Variants in KCNH7 observed in about 807,000 individuals in gnomAD.
KCNH7 encodes the protein potassium voltage-gated channel subfamily H member 7, also known as voltage-gated inwardly rectifying potassium channel KCNH7.
In KCNH7, 49 loss-of-function variants were observed where a neutral mutation model predicts 120.8. The ratio of observed to expected loss-of-function variants is 0.41; its 90% confidence interval spans 0.32 to 0.51. The LOEUF is 0.51. Among genes scored for constraint, KCNH7 ranks in the 20% least tolerant of loss-of-function variants. The pLI is 0.38. For synonymous variants in KCNH7, 547 were observed against 516.1 expected (o/e 1.06, Z -0.81); for missense variants, 1,097 against 1,446.6 (o/e 0.76, Z 3.92).
At chr2:162,631,259 A>T (rs934771258) in intron 2 of KCNH7, among the ~76,000 whole-genome samples, 2 of 152,142 alleles carry the variant, frequency 1.3e-5, no homozygotes, top group Admixed American at 6.6e-5. Context: ...TACTGGGAAT[A>T]CCACTCTATT....
intron 2 of KCNH7, among the ~76,000 whole-genome samples, chr2:162,710,422 T>G (rs1220702472): frequency 6.6e-6 from 1 of 152,192 alleles, no homozygotes; most frequent in Non-Finnish European, 1.5e-5. Context: ...TTGTTTGTCC[T>G]TTGGCACTGG....
chr2:162,548,887 T>A (rs982047423), intron 2 of KCNH7, among the ~76,000 whole-genome samples: 4 of 152,320 alleles, frequency 2.6e-5, no homozygotes, highest in Admixed American at 2.0e-4. Flanking sequence ...GTATGAGTTA[T>A]CATTATCATA....
chr2:162,552,826 C>G (rs921932559), intron 2 of KCNH7, among the ~76,000 whole-genome samples: 8 of 152,130 alleles, frequency 5.3e-5, no homozygotes, highest in Admixed American at 5.2e-4. Flanking sequence ...GTCTTATGAC[C>G]ATGGAAAATG....
rs974406142 is a variant in KCNH7 at position 162,693,198 on chromosome 2, C to T, written c.307+143339G>A. Among the ~76,000 whole-genome samples, 4 of 152,158 alleles carry T rather than the reference C, an allele frequency of 2.6e-5. No homozygotes were observed. In the South Asian group the frequency reaches 6.2e-4, roughly 24 times the overall value. On this transcript the variant is annotated intron_variant, in intron 2 of 15. Coordinates refer to ENST00000332142, the MANE Select transcript of KCNH7 (RefSeq NM_033272.4). ...TGTTAAAATTGCTCATTGAAAAACACATCCCTGAGCCCTTTGGCTTAACTC... is the reference window on the plus strand; with the variant it reads ...TGTTAAAATTGCTCATTGAAAAACATATCCCTGAGCCCTTTGGCTTAACTC...
intron 2 of KCNH7, among the ~76,000 whole-genome samples, chr2:162,751,615 A>G (rs1444580993): frequency 6.6e-6 from 1 of 151,990 alleles, no homozygotes; most frequent in African/African-American, 2.4e-5. Flanking sequence ...ATTGATATGT[A>G]GGCAAGTTGT....
rs201711214 is a variant in KCNH7 at position 162,688,428 on chromosome 2, GCTAA to G, written c.307+148105_307+148108del. Among the ~76,000 whole-genome samples, 976 of 152,142 alleles carry G rather than the reference GCTAA, an allele frequency of 6.4e-3. 15 individuals carry two copies. Among genetic ancestry groups the G allele is most frequent in the African/African-American group, 0.021 (882 of 41,520 alleles). Reference sequence around the variant, plus strand: ...TCTCTTGTGTCACTCCCAGTTGGGCGCTAAAGACTGCATACAGAGATTCCATAGC... The same window carrying G: ...TCTCTTGTGTCACTCCCAGTTGGGCGAGACTGCATACAGAGATTCCATAGC... On this transcript the variant is annotated intron_variant, in intron 2 of 15. Coordinates refer to ENST00000332142, the MANE Select transcript of KCNH7 (RefSeq NM_033272.4).
intron 10 of KCNH7, 21 bp downstream of exon 10, chr2:162,400,168 A>C: frequency 6.2e-7 from 1 of 1,609,596 alleles, no homozygotes. Context: ...ATCTGTCACC[A>C]TGCACTTCTA....
intron 12 of KCNH7, among the ~76,000 whole-genome samples, chr2:162,389,714 T>C (rs778602459): frequency 6.6e-6 from 1 of 152,022 alleles, no homozygotes. Context: ...ATAAAACCAA[T>C]AGAGTAAAAA....
chr2:162,621,168 G>T (rs549902837), intron 2 of KCNH7, among the ~76,000 whole-genome samples: 1 of 150,320 alleles, frequency 6.7e-6, no homozygotes, highest in African/African-American at 2.5e-5. Context: ...AAACATTGTG[G>T]CTTCTATAAG....
intron 2 of KCNH7, among the ~76,000 whole-genome samples, chr2:162,633,766 A>T (rs867583616): frequency 1.6e-4 from 24 of 151,832 alleles, no homozygotes; most frequent in African/African-American, 5.8e-4. Context: ...ACATTTGTTT[A>T]CTCATTTCAG....
chr2:162,815,679 A>G (rs1046253322), intron 2 of KCNH7, among the ~76,000 whole-genome samples: 5 of 152,326 alleles, frequency 3.3e-5, no homozygotes, highest in African/African-American at 7.2e-5. Context: ...TGCATCTCAG[A>G]TATGCTTGTC....
chr2:162,598,458 CA>C (rs112140347), intron 2 of KCNH7, among the ~76,000 whole-genome samples: 1 of 151,050 alleles, frequency 6.6e-6, no homozygotes, highest in East Asian at 1.9e-4. Context: ...TATATGTGGC[CA>C]AAAAAAATCC....
At chr2:162,484,266 C>T (rs1270251322) in intron 6 of KCNH7, among the ~76,000 whole-genome samples, 1 of 151,798 alleles carries the variant, frequency 6.6e-6, no homozygotes, top group African/African-American at 2.4e-5. Context: ...CACACACACA[C>T]AGTCTTAAGA....
chr2:162,766,708 T>G (rs531806351), intron 2 of KCNH7, among the ~76,000 whole-genome samples: 7 of 152,276 alleles, frequency 4.6e-5, no homozygotes, highest in South Asian at 2.1e-4. Flanking sequence ...GATTTTCATA[T>G]GGGCAATATC....
chr2:162,673,163 T>C (rs547262702), intron 2 of KCNH7, among the ~76,000 whole-genome samples: 10 of 152,150 alleles, frequency 6.6e-5, no homozygotes, highest in African/African-American at 2.2e-4. Context: ...AAAAGGATTA[T>C]ATAAATATTT....
chr2:162,658,817 C>T (rs1404840938), intron 2 of KCNH7, among the ~76,000 whole-genome samples: 1 of 152,146 alleles, frequency 6.6e-6, no homozygotes, highest in African/African-American at 2.4e-5. Context: ...TGTACATTAG[C>T]CTTGTATTTT....
intron 2 of KCNH7, among the ~76,000 whole-genome samples, chr2:162,617,614 G>A (rs1010299843): frequency 6.6e-6 from 1 of 152,174 alleles, no homozygotes; most frequent in Non-Finnish European, 1.5e-5. Context: ...ATATAAAGCT[G>A]AGCATGAGTT....
intron 12 of KCNH7, among the ~76,000 whole-genome samples, chr2:162,385,730 C>A (rs1686552989): frequency 6.6e-6 from 1 of 151,804 alleles, no homozygotes; most frequent in Admixed American, 6.6e-5. Flanking sequence ...AACTAACCAA[C>A]AAAACGCCAG....
At chr2:162,527,605 A>G (rs1235919301) in intron 3 of KCNH7, among the ~76,000 whole-genome samples, 4 of 152,016 alleles carry the variant, frequency 2.6e-5, no homozygotes, top group Non-Finnish European at 4.4e-5. Flanking sequence ...AATGGTTTAA[A>G]TTAGCTAGAT....
Sources: gnomAD v4.1 joint callset for allele counts (sites outside exome capture counted in the v4.1 genomes callset) on GRCh38, gnomAD v4.1.1 for gene constraint, MANE v1.5 for transcripts, NCBI Gene and HGNC (gene_info 2026-07-23, HGNC 2026-07-21) for gene names.